Variants in NFIB observed in about 807,000 individuals in gnomAD.
NFIB encodes the protein nuclear factor 1 B-type.
In NFIB, 11 loss-of-function variants were observed where a neutral mutation model predicts 61.5. The ratio of observed to expected loss-of-function variants is 0.18; its 90% CI spans 0.11 to 0.30. The LOEUF is 0.30. Among genes scored for constraint, NFIB ranks in the 10% least tolerant of loss-of-function variants. NFIB has a pLI of 1.00. For synonymous variants in NFIB, 260 were observed against 216.5 expected (o/e 1.20, Z -1.76); for missense variants, 471 against 608.9 (o/e 0.77, Z 2.38).
At chr9:14,337,779 A>G in intron 1 of NFIB, among the ~76,000 whole-genome samples, 1 of 152,302 alleles carries the variant, frequency 6.6e-6, no homozygotes, top group East Asian at 1.9e-4. Context: ...TGGCTTTTAT[A>G]CATTCAGCTG....
chr9:14,466,730 T>C, the NFIB span, among the ~76,000 whole-genome samples: 2 of 152,216 alleles, frequency 1.3e-5, no homozygotes, highest in African/African-American at 4.8e-5. Flanking sequence ...TTCTTCTTTA[T>C]GTCTGCCTTT....
At chr9:14,446,512 C>A in the NFIB span, among the ~76,000 whole-genome samples, 1 of 152,122 alleles carries the variant, frequency 6.6e-6, no homozygotes, top group African/African-American at 2.4e-5. Flanking sequence ...TTTCAGCTTT[C>A]ATTACTCTAC....
At chr9:14,102,736 G>A (rs919675523) in intron 10 of NFIB, among the ~76,000 whole-genome samples, 3 of 151,774 alleles carry the variant, frequency 2.0e-5, no homozygotes, top group African/African-American at 7.3e-5. Context: ...ATTAATTAAA[G>A]CATACAAGAG....
chr9:14,147,592 G>T (rs2042401898), intron 5 of NFIB, among the ~76,000 whole-genome samples: 3 of 142,294 alleles, frequency 2.1e-5, no homozygotes. Context: ...AATCGACTGT[G>T]AAAAAAAGAA....
intron 1 of NFIB, among the ~76,000 whole-genome samples, chr9:14,365,275 T>C (rs750596110): frequency 1.3e-5 from 2 of 152,234 alleles, no homozygotes; most frequent in Non-Finnish European, 2.9e-5. Context: ...GGTTTCACAT[T>C]TTATTTGTTT....
intron 2 of NFIB, among the ~76,000 whole-genome samples, chr9:14,226,670 A>T (rs1180824966): frequency 2.0e-5 from 3 of 152,232 alleles, no homozygotes; most frequent in Non-Finnish European, 4.4e-5. Context: ...ATCACATTTT[A>T]AAAATAAATA....
chr9:14,462,539 C>T, the NFIB span, among the ~76,000 whole-genome samples: 2 of 152,224 alleles, frequency 1.3e-5, no homozygotes, highest in East Asian at 1.9e-4. Context: ...GCCTCGGCCT[C>T]CCAAAGTGCT....
chr9:14,310,840 A>T (rs188104604), intron 1 of NFIB, among the ~76,000 whole-genome samples: 279 of 152,302 alleles, frequency 1.8e-3, no homozygotes, highest in African/African-American at 6.4e-3. Flanking sequence ...TAATTCCACT[A>T]GGCATATTTA....
chr9:14,342,792 T>C (rs530758689), intron 1 of NFIB, among the ~76,000 whole-genome samples: 3 of 152,326 alleles, frequency 2.0e-5, no homozygotes, highest in Admixed American at 2.0e-4. Context: ...TGTATATGCA[T>C]GTGCATATGT....
At chr9:14,475,016 T>C in the NFIB span, among the ~76,000 whole-genome samples, 3 of 152,192 alleles carry the variant, frequency 2.0e-5, no homozygotes, top group Non-Finnish European at 4.4e-5. Flanking sequence ...GTCAACTGAA[T>C]CAAATGCTAA....
chr9:14,224,901 C>A (rs1563919687), intron 2 of NFIB, among the ~76,000 whole-genome samples: 1 of 152,118 alleles, frequency 6.6e-6, no homozygotes, highest in Admixed American at 6.5e-5. Flanking sequence ...TTGAAAGAAC[C>A]TGTTGGCTTT....
chr9:14,497,749 GT>G, the NFIB span, among the ~76,000 whole-genome samples: 5 of 152,194 alleles, frequency 3.3e-5, no homozygotes, highest in South Asian at 1.0e-3. Context: ...GGCCACAGAG[GT>G]GGGTATTTGA....
At chr9:14,266,896 CAA>C (rs2057249113) in intron 2 of NFIB, among the ~76,000 whole-genome samples, 2 of 152,048 alleles carry the variant, frequency 1.3e-5, no homozygotes, top group African/African-American at 2.4e-5. Context: ...TTTAATTAAT[CAA>C]AAGTTTCAAT....
At chr9:14,113,631 G>A (rs2037706942) in intron 9 of NFIB, among the ~76,000 whole-genome samples, 1 of 152,182 alleles carries the variant, frequency 6.6e-6, no homozygotes, top group African/African-American at 2.4e-5. Context: ...CCTGTATCAT[G>A]TAGAATGAAT....
At chr9:14,440,223 T>C in the NFIB span, among the ~76,000 whole-genome samples, 1 of 152,144 alleles carries the variant, frequency 6.6e-6, no homozygotes. Flanking sequence ...AGCTGTGTCT[T>C]CCTCATCTTG....
chr9:14,234,793 A>AT (rs200830057), intron 2 of NFIB, among the ~76,000 whole-genome samples: 1,231 of 122,294 alleles, frequency 0.01, 17 homozygotes, highest in African/African-American at 0.038. Flanking sequence ...GTTCGTTGAA[A>AT]TTTTTTTTTT....
chr9:14,157,034 T>G (rs1019253061), intron 3 of NFIB, among the ~76,000 whole-genome samples: 1 of 152,130 alleles, frequency 6.6e-6, no homozygotes, highest in Non-Finnish European at 1.5e-5. Flanking sequence ...AGTTATGAAA[T>G]CTTGGCTAGG....
At chr9:14,272,367 G>A (rs923452204) in intron 2 of NFIB, among the ~76,000 whole-genome samples, 2 of 151,964 alleles carry the variant, frequency 1.3e-5, no homozygotes, top group Non-Finnish European at 2.9e-5. Context: ...ATGCAATAGA[G>A]CCATGACATT....
intron 2 of NFIB, among the ~76,000 whole-genome samples, chr9:14,232,523 C>G (rs1373078409): frequency 6.6e-6 from 1 of 152,170 alleles, no homozygotes; most frequent in African/African-American, 2.4e-5. Flanking sequence ...CAAAAGCCAT[C>G]AGATTTACTT....
Sources: gnomAD v4.1 joint callset for allele counts (sites outside exome capture counted in the v4.1 genomes callset) on GRCh38, gnomAD v4.1.1 for gene constraint, MANE v1.5 for transcripts, NCBI Gene and HGNC (gene_info 2026-07-23, HGNC 2026-07-21) for gene names.